The following ZNF516 variants were observed in gnomAD, a reference collection of about 807,000 sequenced individuals.
The protein encoded by ZNF516 is zinc finger protein 516.
ZNF516 carries 19 observed loss-of-function variants against 79.7 expected under a neutral mutation model. The observed-to-expected ratio is 0.24, with a 90% CI of 0.17 to 0.35. ZNF516 has a LOEUF of 0.35. ZNF516 is among the 10% of genes least tolerant of loss of function. The pLI is 1.00. For missense variants in ZNF516, 1,678 were observed against 1,679.5 expected (o/e 1.00, Z 0.02); for synonymous variants, 877 against 739.5 (o/e 1.19, Z -3.02).
chr18:76,451,484 C>T lies in ZNF516; in HGVS notation c.-157-8273G>A, dbSNP rs1234658634. ...AAAGCTCAAAGCAGACAGAATGCTTCCGATATTTACAGGGCTGTCTGCAAA... is the reference window on the plus strand; with the variant it reads ...AAAGCTCAAAGCAGACAGAATGCTTTCGATATTTACAGGGCTGTCTGCAAA... On this transcript the variant is annotated intron_variant, in intron 2 of 6. Transcript: ENST00000443185. This position sits in a 1 kb window ranked among gnomAD's most constrained non-coding sequence, Gnocchi z 6.0. Among the ~76,000 whole-genome samples, 2 of 152,200 alleles carry T rather than the reference C, an allele frequency of 1.3e-5. No homozygotes were observed. Among genetic ancestry groups the T allele is most frequent in the Non-Finnish European group, 2.9e-5 (2 of 68,034 alleles).
intron 3 of ZNF516, among the ~76,000 whole-genome samples, chr18:76,392,513 TAGGTGGC>T: frequency 8.0e-6 from 1 of 125,096 alleles, no homozygotes; most frequent in African/African-American, 3.5e-5. Context: ...GGTGGGAAGG[TAGGTGGC>T]CAGGTGGGGG....
At chr18:76,494,783 C>T (rs556858773) in intron 1 of ZNF516, among the ~76,000 whole-genome samples, 1 of 152,004 alleles carries the variant, frequency 6.6e-6, no homozygotes, top group South Asian at 2.1e-4. Flanking sequence ...GAGCTCCCCT[C>T]CTCCCGCGTC....
At chr18:76,424,813 C>A (rs2075569538) in intron 3 of ZNF516, among the ~76,000 whole-genome samples, 1 of 140,838 alleles carries the variant, frequency 7.1e-6, no homozygotes, top group Non-Finnish European at 1.5e-5. Flanking sequence ...AAAGGCTCCC[C>A]CGAAACACAC....
intron 3 of ZNF516, among the ~76,000 whole-genome samples, chr18:76,400,250 C>T (rs151053929): frequency 9.7e-4 from 148 of 152,296 alleles, no homozygotes; most frequent in African/African-American, 3.2e-3. Context: ...CAGAGATGAA[C>T]ACAGGAGCAG....
chr18:76,373,712 C>T (rs1437412714), intron 4 of ZNF516, among the ~76,000 whole-genome samples: 4 of 152,052 alleles, frequency 2.6e-5, no homozygotes, highest in Non-Finnish European at 4.4e-5. Flanking sequence ...TGCATGAGCA[C>T]GCGTGCACAC....
intron 3 of ZNF516, among the ~76,000 whole-genome samples, chr18:76,429,874 G>A (rs1222300512): frequency 6.6e-6 from 1 of 152,142 alleles, no homozygotes; most frequent in Admixed American, 6.5e-5. Flanking sequence ...AAGCAAACAC[G>A]GTGCCCTTTT....
chr18:76,492,139 C>T (rs1002989209), intron 1 of ZNF516: 4 of 985,058 alleles, frequency 4.1e-6, no homozygotes, highest in East Asian at 1.1e-4. Context: ...GGGTCCTTAA[C>T]CTCTCCATTG....
chr18:76,492,120 T>C (rs1251190090), intron 1 of ZNF516: 9 of 977,448 alleles, frequency 9.2e-6, no homozygotes, highest in African/African-American at 1.8e-5. Context: ...GGGGAGGTAG[T>C]GGGCACGTGG....
chr18:76,422,698 G>A (rs1289140269), intron 3 of ZNF516, among the ~76,000 whole-genome samples: 5 of 152,046 alleles, frequency 3.3e-5, no homozygotes, highest in African/African-American at 1.2e-4. Flanking sequence ...GGATGATGGG[G>A]GGCAGACATG....
chr18:76,432,240 T>TGCAAA (rs1370953956), intron 3 of ZNF516, among the ~76,000 whole-genome samples: 9 of 152,242 alleles, frequency 5.9e-5, no homozygotes, highest in Admixed American at 1.3e-4. Context: ...ACCAACACCG[T>TGCAAA]GCAAAGCACC....
At chr18:76,383,034 T>TTAAAAA (rs2074919043) in intron 3 of ZNF516, among the ~76,000 whole-genome samples, 2 of 51,354 alleles carry the variant, frequency 3.9e-5, no homozygotes, top group Non-Finnish European at 7.1e-5. Flanking sequence ...AGACTCTGTC[T>TTAAAAA]CAAAAAAAAA....
At chr18:76,476,697 C>T (rs1022079007) in intron 1 of ZNF516, among the ~76,000 whole-genome samples, 1 of 152,176 alleles carries the variant, frequency 6.6e-6, no homozygotes, top group Admixed American at 6.5e-5. Flanking sequence ...ACCTCCAAAA[C>T]CAGTCATGGT....
intron 3 of ZNF516, among the ~76,000 whole-genome samples, chr18:76,434,985 C>A (rs1447910258): frequency 2.0e-5 from 3 of 152,236 alleles, no homozygotes; most frequent in Non-Finnish European, 2.9e-5. Context: ...ACCAATGATG[C>A]CGTGTTTGAG....
intron 1 of ZNF516, among the ~76,000 whole-genome samples, chr18:76,480,490 C>CACAT (rs1555720170): frequency 7.8e-6 from 1 of 128,882 alleles, no homozygotes; most frequent in African/African-American, 3.2e-5. Context: ...CACACATATA[C>CACAT]ACATACACAC....
At chr18:76,471,271 C>T (rs1482121814) in intron 1 of ZNF516, among the ~76,000 whole-genome samples, 1 of 151,480 alleles carries the variant, frequency 6.6e-6, no homozygotes, top group African/African-American at 2.4e-5. Context: ...AAAAAAAAGA[C>T]ATATTATTTC....
At chr18:76,424,071 C>T (rs2075553209) in intron 3 of ZNF516, among the ~76,000 whole-genome samples, 1 of 116,466 alleles carries the variant, frequency 8.6e-6, no homozygotes, top group African/African-American at 3.4e-5. Flanking sequence ...TGAAAAGGCT[C>T]CCTCCTGAAA....
intron 1 of ZNF516, among the ~76,000 whole-genome samples, chr18:76,476,145 C>T (rs1030692752): frequency 6.6e-6 from 1 of 151,824 alleles, no homozygotes; most frequent in African/African-American, 2.4e-5. Context: ...GAATGTTGCC[C>T]TAAGTATTTG....
intron 1 of ZNF516, among the ~76,000 whole-genome samples, chr18:76,471,084 T>C (rs1419241119): frequency 6.6e-6 from 1 of 152,174 alleles, no homozygotes; most frequent in East Asian, 1.9e-4. Context: ...ACATCAAAAA[T>C]ATGATTTACA....
intron 1 of ZNF516, among the ~76,000 whole-genome samples, chr18:76,471,132 AAC>A (rs1913810943): frequency 6.6e-6 from 1 of 152,212 alleles, no homozygotes; most frequent in Non-Finnish European, 1.5e-5. Context: ...AGAAACAAGA[AAC>A]ACAGATAAAG....
Sources: allele counts gnomAD v4.1 joint callset (sites outside exome capture counted in the v4.1 genomes callset), GRCh38; gene constraint gnomAD v4.1.1; non-coding constraint Gnocchi (gnomAD v3.1); transcripts MANE v1.5; gene names NCBI Gene and HGNC (gene_info 2026-07-23, HGNC 2026-07-21).